Variants in PRKG1 observed in about 807,000 individuals in gnomAD.
PRKG1 encodes the protein protein kinase cGMP-dependent 1.
Under a neutral mutation model 88.1 loss-of-function variants are expected in PRKG1, and 35 were observed. The ratio of observed to expected loss-of-function variants is 0.40; its 90% CI spans 0.30 to 0.53. The LOEUF is 0.53. PRKG1 is among the 20% of genes least tolerant of loss of function. PRKG1 has a pLI of 0.59. For missense variants in PRKG1, 540 were observed against 839.8 expected, an observed-to-expected ratio of 0.64 and a Z score of 4.41; for synonymous variants, 303 against 292.5, an observed-to-expected ratio of 1.04 and a Z score of -0.37.
At chr10:51,001,410 G>A (rs1842888269) in intron 1 of PRKG1, among the ~76,000 whole-genome samples, 1 of 152,090 alleles carries the variant, frequency 6.6e-6, no homozygotes, top group African/African-American at 2.4e-5. Context: ...AAACAATTTG[G>A]AAAAAGTTTG....
intron 9 of PRKG1, among the ~76,000 whole-genome samples, chr10:52,233,419 G>C (rs1241280343): frequency 4.0e-5 from 6 of 150,532 alleles, no homozygotes; most frequent in Non-Finnish European, 8.9e-5. Flanking sequence ...CATCTCACTA[G>C]GGAGTGCCAG....
intron 3 of PRKG1, among the ~76,000 whole-genome samples, chr10:51,741,147 A>G (rs1327370022): frequency 6.6e-6 from 1 of 151,062 alleles, no homozygotes; most frequent in Admixed American, 6.6e-5. Context: ...CCTTTGGTGA[A>G]AAAAAAAAGA....
chr10:52,280,543 T>C (rs993303034), intron 12 of PRKG1, among the ~76,000 whole-genome samples: 1 of 152,142 alleles, frequency 6.6e-6, no homozygotes, highest in Non-Finnish European at 1.5e-5. Flanking sequence ...GTTGAACTAT[T>C]CTTTCAGCCC....
chr10:51,363,679 G>C (rs1199179280), intron 2 of PRKG1, among the ~76,000 whole-genome samples: 3 of 151,840 alleles, frequency 2.0e-5, no homozygotes, highest in Admixed American at 6.6e-5. Flanking sequence ...AGCTTAAGGT[G>C]ATGGTGGTAG....
chr10:51,566,452 G>C (rs1447026954), intron 3 of PRKG1, among the ~76,000 whole-genome samples: 1 of 152,110 alleles, frequency 6.6e-6, no homozygotes, highest in Non-Finnish European at 1.5e-5. Context: ...GCTGCTCTGA[G>C]TGTTGAGAAC....
chr10:51,508,362 A>T (rs1227786327), intron 3 of PRKG1, among the ~76,000 whole-genome samples: 1 of 152,176 alleles, frequency 6.6e-6, no homozygotes, highest in Non-Finnish European at 1.5e-5. Context: ...TAATATTTTT[A>T]AAAATAACTA....
chr10:51,204,159 T>C (rs1837983888), intron 2 of PRKG1, among the ~76,000 whole-genome samples: 1 of 152,240 alleles, frequency 6.6e-6, no homozygotes, highest in African/African-American at 2.4e-5. Flanking sequence ...TTATTTCTGA[T>C]GGGCCTCTGG....
At chr10:51,992,126 T>C (rs1844327287) in intron 5 of PRKG1, among the ~76,000 whole-genome samples, 2 of 152,204 alleles carry the variant, frequency 1.3e-5, no homozygotes, top group South Asian at 4.1e-4. Context: ...CCATTAATAT[T>C]ACAGGGTATT....
intron 7 of PRKG1, among the ~76,000 whole-genome samples, chr10:52,063,314 C>T (rs1292508587): frequency 3.3e-5 from 5 of 152,158 alleles, no homozygotes; most frequent in East Asian, 1.9e-4. Context: ...TGTAAGGCTG[C>T]GGCCGAACCA....
chr10:51,414,410 A>C (rs1838184015), intron 2 of PRKG1, among the ~76,000 whole-genome samples: 1 of 152,218 alleles, frequency 6.6e-6, no homozygotes, highest in East Asian at 1.9e-4. Flanking sequence ...CTGTGGAATA[A>C]ATAGTACAGT....
Position 51,952,314 on chromosome 10 carries a change from A to G in PRKG1, c.762+44744A>G, listed in dbSNP as rs180908559. Among the ~76,000 whole-genome samples, 6 of 152,314 alleles carry G rather than the reference A, an allele frequency of 3.9e-5. No individual in the cohort carries two copies. In the East Asian group the frequency reaches 1.2e-3, roughly 29 times the overall value. On this transcript the variant is annotated intron_variant, in intron 5 of 17. Coordinates refer to ENST00000373980, the MANE Select transcript of PRKG1 (RefSeq NM_006258.4). ...TTTGTATTTTTTGTTAAGTATCCAA[A>G]TGTGCATTTTCATCAGGCAAATTTG...
intron 1 of PRKG1, among the ~76,000 whole-genome samples, chr10:51,049,843 T>C (rs1402950211): frequency 1.3e-5 from 2 of 152,196 alleles, no homozygotes; most frequent in Non-Finnish European, 2.9e-5. Flanking sequence ...TCTTGCTTTA[T>C]GAACATTAAA....
In PRKG1 at chr10:51,118,272, A is replaced by G. The variant is rs1213411713; in HGVS notation, c.312-34892A>G. 3.9e-5 allele frequency among the ~76,000 whole-genome samples: 6 copies of G among 152,200 alleles called. No individual in the cohort carries two copies. The East Asian group carries it at 1.2e-3, about 29-fold the overall frequency. On this transcript the variant is annotated intron_variant, in intron 1 of 17. Coordinates refer to ENST00000373980, the MANE Select transcript of PRKG1 (RefSeq NM_006258.4). The stretch of plus-strand genomic sequence containing the variant: ...ATTTTGAAAAAAAATAAAAAATAAA[A>G]CAAAAAATAACTTCCTGTGCAAAAG...
In PRKG1 at chr10:52,023,134, T is replaced by C. The variant is rs575165181; in HGVS notation, c.763-31350T>C. Among the ~76,000 whole-genome samples, 4 of 152,304 alleles carry C rather than the reference T, an allele frequency of 2.6e-5. No individual in the cohort carries two copies. The South Asian group carries it at 8.3e-4, about 32-fold the overall frequency. On this transcript the variant is annotated intron_variant, in intron 5 of 17. Coordinates refer to ENST00000373980, the MANE Select transcript of PRKG1 (RefSeq NM_006258.4). ...TCCTGTGTCCAAGTGTTCTCATTGT[T>C]CAACTCCCACTTATGAGTGAGAACA...
chr10:51,751,385 G>A (rs554591520), intron 3 of PRKG1, among the ~76,000 whole-genome samples: 13 of 152,092 alleles, frequency 8.5e-5, no homozygotes, highest in African/African-American at 1.9e-4. Context: ...TTAAAGGCAC[G>A]CACCATCTAA....
chr10:52,016,308 T>A (rs1589520978), intron 5 of PRKG1, among the ~76,000 whole-genome samples: 1 of 152,164 alleles, frequency 6.6e-6, no homozygotes, highest in African/African-American at 2.4e-5. Flanking sequence ...GTTTTTTATA[T>A]GGCAGCAGGA....
At chr10:51,628,389 C>A (rs944638993) in intron 3 of PRKG1, among the ~76,000 whole-genome samples, 1 of 151,472 alleles carries the variant, frequency 6.6e-6, no homozygotes, top group African/African-American at 2.4e-5. Flanking sequence ...TCTCAAATTC[C>A]TGGGGTCAAG....
chr10:52,275,334 A>C (rs186253415), intron 12 of PRKG1, among the ~76,000 whole-genome samples: 6 of 152,292 alleles, frequency 3.9e-5, no homozygotes, highest in African/African-American at 1.4e-4. Flanking sequence ...TTAAGTCCTT[A>C]ATCCATCTTG....
intron 5 of PRKG1, among the ~76,000 whole-genome samples, chr10:52,034,397 G>C (rs1170328465): frequency 7.1e-6 from 1 of 140,246 alleles, no homozygotes; most frequent in Non-Finnish European, 1.5e-5. Context: ...CTTGTGGTAA[G>C]GGGTGATATT....
Sources: allele counts gnomAD v4.1 joint callset (sites outside exome capture counted in the v4.1 genomes callset), GRCh38; gene constraint gnomAD v4.1.1; transcripts MANE v1.5; gene names NCBI Gene and HGNC (gene_info 2026-07-23, HGNC 2026-07-21).